The following KRABD5 variants were observed in gnomAD, a reference collection of about 807,000 sequenced individuals.
KRABD5 encodes the protein KRAB domain containing 5, also known as KRAB domain-containing protein 5.
chr16:31,716,191 C>G, the KRABD5 span, among the ~76,000 whole-genome samples: 2 of 152,206 alleles, frequency 1.3e-5, no homozygotes, highest in Non-Finnish European at 2.9e-5. Flanking sequence ...ACTGCAGCAG[C>G]AACCCAGTCC....
the KRABD5 span, chr16:31,713,413 G>C: frequency 6.2e-6 from 10 of 1,604,964 alleles, no homozygotes; most frequent in South Asian, 1.1e-5. Flanking sequence ...CAGACGCCAG[G>C]ACATCCCGGA....
At chr16:31,743,287 T>C in the KRABD5 span, among the ~76,000 whole-genome samples, 1 of 152,226 alleles carries the variant, frequency 6.6e-6, no homozygotes, top group South Asian at 2.1e-4. Context: ...CCATCTTGAG[T>C]TAGTTTTTGT....
chr16:31,743,438 A>G, the KRABD5 span, among the ~76,000 whole-genome samples: 4 of 151,914 alleles, frequency 2.6e-5, no homozygotes, highest in Non-Finnish European at 5.9e-5. Flanking sequence ...TTGTAGATGT[A>G]TGGTGTTATT....
chr16:31,721,317 A>G, the KRABD5 span, among the ~76,000 whole-genome samples: 2 of 152,066 alleles, frequency 1.3e-5, no homozygotes, highest in Admixed American at 1.3e-4. Flanking sequence ...TCATTTGATC[A>G]GTTTTGTGTT....
the KRABD5 span, among the ~76,000 whole-genome samples, chr16:31,721,625 GT>G: frequency 6.6e-6 from 1 of 152,020 alleles, no homozygotes. Flanking sequence ...GATTTTTGTG[GT>G]TTTTATCAAT....
chr16:31,735,476 A>G, the KRABD5 span, among the ~76,000 whole-genome samples: 2 of 152,182 alleles, frequency 1.3e-5, no homozygotes, highest in African/African-American at 4.8e-5. Context: ...TTAATTTTTC[A>G]GGAACCTCCA....
chr16:31,727,689 G>A, the KRABD5 span, among the ~76,000 whole-genome samples: 1 of 151,790 alleles, frequency 6.6e-6, no homozygotes, highest in Non-Finnish European at 1.5e-5. Context: ...CTTATTATTG[G>A]TCTGTTCAGT....
At chr16:31,742,385 C>A in the KRABD5 span, among the ~76,000 whole-genome samples, 20 of 152,138 alleles carry the variant, frequency 1.3e-4, no homozygotes, top group Non-Finnish European at 2.4e-4. Context: ...TGTTCAACTC[C>A]CACTTATAAG....
At chr16:31,728,971 A>G in the KRABD5 span, among the ~76,000 whole-genome samples, 1 of 152,158 alleles carries the variant, frequency 6.6e-6, no homozygotes, top group East Asian at 1.9e-4. Context: ...TTGGGTGCAT[A>G]TATCTATTTA....
the KRABD5 span, chr16:31,723,452 A>C: frequency 3.2e-6 from 4 of 1,261,266 alleles, no homozygotes; most frequent in Non-Finnish European, 4.3e-6. Context: ...CTCCAGTGGA[A>C]ATGATTTTTG....
the KRABD5 span, among the ~76,000 whole-genome samples, chr16:31,748,573 A>G: frequency 6.6e-6 from 1 of 152,056 alleles, no homozygotes; most frequent in Non-Finnish European, 1.5e-5. Flanking sequence ...TTTATTACCC[A>G]TCTTGTGAGG....
the KRABD5 span, among the ~76,000 whole-genome samples, chr16:31,749,723 C>G: frequency 7.9e-5 from 12 of 152,176 alleles, no homozygotes; most frequent in Non-Finnish European, 1.5e-4. Flanking sequence ...GCTCTCAAAG[C>G]CACACCACAC....
chr16:31,723,320 G>A, the KRABD5 span: 1 of 1,613,986 alleles, frequency 6.2e-7, no homozygotes. Flanking sequence ...GCCCTGGAAT[G>A]TGAAGAGTGC....
chr16:31,752,183 T>A, the KRABD5 span, among the ~76,000 whole-genome samples: 1 of 152,206 alleles, frequency 6.6e-6, no homozygotes, highest in Non-Finnish European at 1.5e-5. Context: ...GTGTATAGGG[T>A]CAATCTTCAA....
the KRABD5 span, among the ~76,000 whole-genome samples, chr16:31,725,772 T>C: frequency 1.3e-5 from 2 of 152,230 alleles, no homozygotes; most frequent in Non-Finnish European, 2.9e-5. Flanking sequence ...TACTTTTATG[T>C]AATCCCTGGA....
chr16:31,715,946 A>C, the KRABD5 span, among the ~76,000 whole-genome samples: 1 of 152,106 alleles, frequency 6.6e-6, no homozygotes, highest in African/African-American at 2.4e-5. Flanking sequence ...GCGACTGAGG[A>C]CAGAAAGGGA....
chr16:31,724,509 A>G, the KRABD5 span, among the ~76,000 whole-genome samples: 1 of 151,556 alleles, frequency 6.6e-6, no homozygotes, highest in Non-Finnish European at 1.5e-5. Flanking sequence ...AACACGATGA[A>G]ACCCCGTCTC....
At chr16:31,725,431 T>C in the KRABD5 span, among the ~76,000 whole-genome samples, 3 of 152,340 alleles carry the variant, frequency 2.0e-5, no homozygotes, top group East Asian at 5.8e-4. Context: ...TGTATTTCTT[T>C]TAGGTATATA....
the KRABD5 span, among the ~76,000 whole-genome samples, chr16:31,751,265 CTTTGCCAGA>C: frequency 6.6e-6 from 1 of 152,094 alleles, no homozygotes; most frequent in Non-Finnish European, 1.5e-5. Context: ...TTCATTGTGT[CTTTGCCAGA>C]TTTTGGTAAC....
Sources: allele counts gnomAD v4.1 joint callset (sites outside exome capture counted in the v4.1 genomes callset), GRCh38; gene constraint gnomAD v4.1.1; transcripts MANE v1.5; gene names NCBI Gene and HGNC (gene_info 2026-07-23, HGNC 2026-07-21).